The following TACR1 variants were observed in gnomAD, a reference collection of about 807,000 sequenced individuals.
The protein encoded by TACR1 is substance-P receptor.
Under a neutral mutation model 35.8 loss-of-function variants are expected in TACR1, and 25 were observed. That is an observed-to-expected ratio of 0.70 (90% CI 0.51 to 0.98). The LOEUF (loss-of-function observed/expected upper bound fraction) is 0.98, where lower values mean the gene tolerates loss of function less well. TACR1 is among the 50% of genes least tolerant of loss of function. The pLI is 0.00. For synonymous variants in TACR1, 195 were observed against 206.7 expected (o/e 0.94, Z 0.48); for missense variants, 478 against 522.9 (o/e 0.91, Z 0.84).
intron 1 of TACR1, among the ~76,000 whole-genome samples, chr2:75,145,951 A>G (rs893516597): frequency 1.4e-4 from 22 of 152,192 alleles, no homozygotes; most frequent in African/African-American, 5.1e-4. Flanking sequence ...GGTTGGAGCC[A>G]TAAGATCTCC....
chr2:75,080,687 C>G (rs1246944280), intron 2 of TACR1, among the ~76,000 whole-genome samples: 2 of 152,140 alleles, frequency 1.3e-5, no homozygotes, highest in Non-Finnish European at 1.5e-5. Context: ...TTATCCTTTC[C>G]TATTTCCAGG....
rs76268087 is a variant in TACR1 at position 75,127,781 on chromosome 2, C to T, written c.390-7013G>A. On this transcript the variant is annotated intron_variant, in intron 1 of 4. Transcript: ENST00000305249. ...GGTGATTCCAGACCCTGGGAGCCTT[C>T]CAGCCTTGTCTAGATTCTACTTCCT... Among the ~76,000 whole-genome samples, 699 of 152,314 alleles carry T rather than the reference C, an allele frequency of 4.6e-3. 9 individuals carry two copies. The highest frequency in any genetic ancestry group is 0.016 in the African/African-American group (663 of 41,564).
chr2:75,194,105 T>G (rs1211341092), intron 1 of TACR1, among the ~76,000 whole-genome samples: 1 of 152,136 alleles, frequency 6.6e-6, no homozygotes, highest in Non-Finnish European at 1.5e-5. Context: ...TTTCTTCCAG[T>G]TTTTTAAAAA....
intron 1 of TACR1, among the ~76,000 whole-genome samples, chr2:75,195,704 A>C (rs563492316): frequency 1.3e-4 from 20 of 152,270 alleles, no homozygotes; most frequent in African/African-American, 4.6e-4. Context: ...ATCATATATA[A>C]ATATTCCTTA....
At chr2:75,122,030 TC>T (rs1385477588) in intron 1 of TACR1, among the ~76,000 whole-genome samples, 5 of 152,168 alleles carry the variant, frequency 3.3e-5, no homozygotes, top group Non-Finnish European at 7.3e-5. Context: ...CTCAATAAAT[TC>T]CCACTGGACA....
intron 1 of TACR1, among the ~76,000 whole-genome samples, chr2:75,156,470 G>A (rs1674858214): frequency 6.6e-6 from 1 of 151,608 alleles, no homozygotes; most frequent in African/African-American, 2.4e-5. Flanking sequence ...GGGCATGGTG[G>A]CAGGCCCCTG....
At chr2:75,161,154 A>G (rs1674999987) in intron 1 of TACR1, among the ~76,000 whole-genome samples, 1 of 151,510 alleles carries the variant, frequency 6.6e-6, no homozygotes, top group African/African-American at 2.4e-5. Context: ...CAAAAACCAA[A>G]CCCCCCAAAA....
At chr2:75,074,963 T>TCCA (rs1223233798) in intron 2 of TACR1, among the ~76,000 whole-genome samples, 1 of 152,192 alleles carries the variant, frequency 6.6e-6, no homozygotes, top group Admixed American at 6.5e-5. Flanking sequence ...CCAGGATGGT[T>TCCA]GGTCACTTTA....
At chr2:75,114,259 A>G (rs1572938121) in intron 2 of TACR1, among the ~76,000 whole-genome samples, 1 of 152,220 alleles carries the variant, frequency 6.6e-6, no homozygotes, top group Non-Finnish European at 1.5e-5. Context: ...CTAAAACTCT[A>G]CCATAAAATT....
At chr2:75,138,846 G>A (rs1674347663) in intron 1 of TACR1, among the ~76,000 whole-genome samples, 4 of 152,132 alleles carry the variant, frequency 2.6e-5, no homozygotes, top group African/African-American at 9.7e-5. Context: ...CACAGAGGAA[G>A]AGATCATAAA....
intron 3 of TACR1, among the ~76,000 whole-genome samples, chr2:75,051,676 C>T (rs1187573676): frequency 6.6e-6 from 1 of 152,214 alleles, no homozygotes; most frequent in African/African-American, 2.4e-5. Context: ...TCACCATCCC[C>T]TCAGAGCTTG....
At chr2:75,125,888 C>T (rs369498672) in intron 1 of TACR1, among the ~76,000 whole-genome samples, 4 of 152,140 alleles carry the variant, frequency 2.6e-5, no homozygotes, top group Admixed American at 6.5e-5. Context: ...GTTGACTATA[C>T]GTTGGGAACT....
chr2:75,184,708 T>G (rs1045503722), intron 1 of TACR1, among the ~76,000 whole-genome samples: 2 of 151,264 alleles, frequency 1.3e-5, no homozygotes, highest in African/African-American at 4.8e-5. Context: ...TAAATTTATA[T>G]ATATAATTTA....
At chr2:75,170,877 AG>A (rs1181055260) in intron 1 of TACR1, among the ~76,000 whole-genome samples, 9 of 152,204 alleles carry the variant, frequency 5.9e-5, no homozygotes, top group African/African-American at 2.2e-4. Flanking sequence ...TACTGTTCAA[AG>A]GATTCAGTTT....
At chr2:75,100,998 A>G (rs932939823) in intron 2 of TACR1, among the ~76,000 whole-genome samples, 3 of 152,122 alleles carry the variant, frequency 2.0e-5, no homozygotes, top group African/African-American at 7.2e-5. Context: ...ATGAGTTCCA[A>G]TGTCTATACC....
chr2:75,128,699 A>C (rs867600440), intron 1 of TACR1, among the ~76,000 whole-genome samples: 3 of 152,258 alleles, frequency 2.0e-5, no homozygotes, highest in East Asian at 3.9e-4. Context: ...TTTGTAACAC[A>C]ATGGAAGGTG....
chr2:75,184,263 A>G (rs1338367002), intron 1 of TACR1, among the ~76,000 whole-genome samples: 1 of 152,198 alleles, frequency 6.6e-6, no homozygotes, highest in Non-Finnish European at 1.5e-5. Flanking sequence ...TTAAGTATCT[A>G]GATTTGATTA....
chr2:75,172,922 A>T (rs1185374803), intron 1 of TACR1, among the ~76,000 whole-genome samples: 1 of 151,528 alleles, frequency 6.6e-6, no homozygotes, highest in Non-Finnish European at 1.5e-5. Flanking sequence ...ATGTGTCCAA[A>T]CTTCCTTTTT....
chr2:75,106,059 A>G (rs1262469709), intron 2 of TACR1, among the ~76,000 whole-genome samples: 1 of 152,068 alleles, frequency 6.6e-6, no homozygotes, highest in African/African-American at 2.4e-5. Context: ...TGATAAATGT[A>G]CTATACTATC....
Sources: allele counts gnomAD v4.1 joint callset (sites outside exome capture counted in the v4.1 genomes callset), GRCh38; gene constraint gnomAD v4.1.1; transcripts MANE v1.5; gene names NCBI Gene and HGNC (gene_info 2026-07-23, HGNC 2026-07-21).